The following BRD4 variants were observed in gnomAD, a reference collection of about 807,000 sequenced individuals.
BRD4 encodes bromodomain containing 4, also known as bromodomain-containing protein 4.
In BRD4, 16 loss-of-function variants were observed where a neutral mutation model predicts 142.1. The observed-to-expected ratio is 0.11, with a 90% CI of 0.08 to 0.17. The LOEUF (loss-of-function observed/expected upper bound fraction) is 0.17, where lower values mean the gene tolerates loss of function less well. Among genes scored for constraint, BRD4 ranks in the 10% least tolerant of loss-of-function variants. The probability of loss-of-function intolerance (pLI) is 1.00; values close to 1 mark genes in which losing one functional copy is unlikely to be tolerated. For synonymous variants in BRD4, 833 were observed against 707.5 expected (o/e 1.18, Z -2.82); for missense variants, 1,424 against 1,810.9 (o/e 0.79, Z 3.88).
At chr19:15,306,382 T>C (rs926845048) in intron 1 of BRD4, among the ~76,000 whole-genome samples, 1 of 152,078 alleles carries the variant, frequency 6.6e-6, no homozygotes, top group African/African-American at 2.4e-5. Flanking sequence ...AATCCTCCCA[T>C]CTCAGCCTCC....
rs1263101478 is a variant in BRD4 at position 15,265,321 on chromosome 19, G to A, written c.849+33C>T. Reference sequence around the variant, plus strand: ...AAGGACAGGGCCGCTCTCCTCCCTGGTGAAGCAGCCCTCCAGAGTCCAGGA... The same window carrying A: ...AAGGACAGGGCCGCTCTCCTCCCTGATGAAGCAGCCCTCCAGAGTCCAGGA... On this transcript the variant is annotated intron_variant, in intron 5 of 19. Transcript: ENST00000679869. 1.3e-5 allele frequency: 19 copies of A among 1,468,772 alleles called. No individual in the cohort carries two copies. The South Asian group carries it at 2.5e-4, about 19-fold the overall frequency. 91.0% of individuals were successfully genotyped at this position (1,468,772 alleles called of 1,614,324 possible). A position where few individuals can be genotyped will look rare whatever the true frequency, so the allele number is the denominator to read the frequency against.
chr19:15,274,107 G>A (rs1427061194), intron 1 of BRD4, among the ~76,000 whole-genome samples: 1 of 152,202 alleles, frequency 6.6e-6, no homozygotes, highest in African/African-American at 2.4e-5. Context: ...AGTGAGATAG[G>A]AGAAGACACA....
At position 15,245,187 on chromosome 19, in the gene BRD4, G is replaced by A. The variant is rs75215233; in HGVS notation, c.2159-425C>T. Reference sequence around the variant, plus strand: ...CATTCATCTTACAGCTGAGAAAAGTGGGGCTTCAGAAGGGAGGGGACTTGT... The same window carrying A: ...CATTCATCTTACAGCTGAGAAAAGTAGGGCTTCAGAAGGGAGGGGACTTGT... On this transcript the variant is annotated intron_variant, in intron 11 of 19. Transcript: ENST00000679869. Among the ~76,000 whole-genome samples, 712 of 152,126 alleles carry A rather than the reference G, an allele frequency of 4.7e-3. 6 individuals carry two copies. Among genetic ancestry groups the A allele is most frequent in the African/African-American group, 0.017 (687 of 41,500 alleles).
Position 15,267,533 on chromosome 19 carries a change from A to G in BRD4, c.442T>C (p.Leu148=), listed in dbSNP as rs768544124. The change falls in exon 4 of 20, where the codon TTA becomes CTA. Residue 148 remains leucine (L), a synonymous_variant. Transcript: ENST00000679869. ...AGCTTTTCCAGAGCTTCTGCCATTA[A>G]GACTATGTCATCTCCAGGCTGGATA... ...IYNKPGDDIV[L]MAEALEKLFL... is the part of the protein sequence containing the mutation. 3 of 1,613,694 alleles carry G rather than the reference A, an allele frequency of 1.9e-6. No individual in the cohort carries two copies. In the South Asian group the frequency reaches 3.3e-5, roughly 18 times the overall value.
chr19:15,264,274 G>T, intron 6 of BRD4, 130 bp downstream of exon 6: 4 of 1,292,144 alleles, frequency 3.1e-6, no homozygotes, highest in East Asian at 2.4e-5. Context: ...TCTTCGAGTT[G>T]GCGGGAAAAA....
chr19:15,281,152 C>T (rs1163587701), intron 1 of BRD4, among the ~76,000 whole-genome samples: 4 of 152,240 alleles, frequency 2.6e-5, no homozygotes, highest in Non-Finnish European at 2.9e-5. Flanking sequence ...TGGAGCCGGG[C>T]CAGTGGCCGT....
intron 2 of BRD4, among the ~76,000 whole-genome samples, chr19:15,270,210 ACT>A (rs769322277): frequency 4.6e-5 from 7 of 152,256 alleles, no homozygotes; most frequent in Non-Finnish European, 7.3e-5. Flanking sequence ...AACAGCAAGC[ACT>A]GAGGCCCTGC....
chr19:15,245,700 T>C (rs1269650801), intron 11 of BRD4, among the ~76,000 whole-genome samples: 2 of 152,190 alleles, frequency 1.3e-5, no homozygotes, highest in Admixed American at 1.3e-4. Flanking sequence ...CAGGGGGACA[T>C]GAGCCCTGGC....
chr19:15,257,089 G>C lies in BRD4; in HGVS notation c.1426C>G (p.Pro476Ala). Residue 476 changes from proline to alanine, a missense_variant, in exon 8 of 20, where the codon CCC becomes GCC. Coordinates refer to ENST00000679869, the MANE Select transcript of BRD4 (RefSeq NM_001379291.1). ...VAVSSPAVPP[P>A]TKVVAPPSSS... ...GAGGGCGGGGCCACAACCTTGGTGGGAGGGGGCACTGCCGGGGAGGACACG... is the reference window on the plus strand; with the variant it reads ...GAGGGCGGGGCCACAACCTTGGTGGCAGGGGGCACTGCCGGGGAGGACACG... The C allele has an allele frequency of 6.2e-7, 1 of 1,608,176 alleles. No homozygotes were observed. Among genetic ancestry groups the C allele is most frequent in the Non-Finnish European group, 8.5e-7 (1 of 1,179,120 alleles).
intron 2 of BRD4, among the ~76,000 whole-genome samples, chr19:15,270,501 C>T (rs73926733): frequency 2.0e-4 from 31 of 152,262 alleles, no homozygotes; most frequent in African/African-American, 7.2e-4. Flanking sequence ...AGATCTATCC[C>T]AGTGGAAATT....
At chr19:15,311,905 C>G (rs950322364) in intron 1 of BRD4, among the ~76,000 whole-genome samples, 1 of 152,178 alleles carries the variant, frequency 6.6e-6, no homozygotes, top group Non-Finnish European at 1.5e-5. Context: ...AAGTAGAAGA[C>G]TGGCTGCCAC....
chr19:15,288,858 G>A (rs1028254584), intron 1 of BRD4, among the ~76,000 whole-genome samples: 10 of 152,192 alleles, frequency 6.6e-5, no homozygotes, highest in African/African-American at 9.7e-5. Context: ...CATCTGCTGA[G>A]GGGAGGGAAA....
intron 11 of BRD4, chr19:15,246,469 A>T (rs1448595503): frequency 6.5e-6 from 1 of 152,746 alleles, no homozygotes; most frequent in Non-Finnish European, 1.5e-5. Flanking sequence ...GGTAGGGGGA[A>T]GCAGCAGGGC....
rs202093296 is a variant in BRD4 at position 15,265,626 on chromosome 19, C to T, written c.577G>A (p.Val193Ile). 167 of 1,614,058 alleles carry T rather than the reference C, an allele frequency of 1.0e-4. 1 individual carries two copies. In the South Asian group the frequency reaches 1.1e-3, roughly 10 times the overall value. Reference protein sequence around the residue: ...RKETGTAKPGVSTVPNTTQAS... With the variant: ...RKETGTAKPGISTVPNTTQAS... ...TGAGTTGTGTTTGGTACCGTGGAAACGCCAGGTTTTGCTGTCCCTACAAAT... is the reference window on the plus strand; with the variant it reads ...TGAGTTGTGTTTGGTACCGTGGAAATGCCAGGTTTTGCTGTCCCTACAAAT... The change falls in exon 5 of 20, where the codon GTT becomes ATT. Residue 193 changes from valine (V) to isoleucine (I), a missense_variant. Val to Ile is a conservative substitution (Grantham distance 29). This residue lies in a region of BRD4 where 140 missense variants were observed against 131.7 expected (regional missense o/e 1.06). Coordinates refer to ENST00000679869, the MANE Select transcript of BRD4 (RefSeq NM_001379291.1).
chr19:15,296,407 C>T (rs2047823245), intron 1 of BRD4, among the ~76,000 whole-genome samples: 1 of 152,208 alleles, frequency 6.6e-6, no homozygotes, highest in South Asian at 2.1e-4. Context: ...ATTTGTTCCC[C>T]TTCTTCCAAG....
chr19:15,249,195 A>T, intron 11 of BRD4: 1 of 1,609,014 alleles, frequency 6.2e-7, no homozygotes, highest in Middle Eastern at 1.7e-4. Context: ...TGTCCCTTTC[A>T]CGGAAGAAAA....
At chr19:15,265,311 C>T in intron 5 of BRD4, 43 bp downstream of exon 5, 3 of 1,456,772 alleles carry the variant, frequency 2.1e-6, no homozygotes, top group Non-Finnish European at 2.7e-6. Context: ...CAGGGCCGCT[C>T]TCCTCCCTGG....
intron 1 of BRD4, among the ~76,000 whole-genome samples, chr19:15,315,258 G>A (rs552270979): frequency 1.3e-5 from 2 of 152,062 alleles, no homozygotes; most frequent in African/African-American, 4.8e-5. Flanking sequence ...ATCCTTCAGG[G>A]CACACCTGTT....
Position 15,244,716 on chromosome 19 carries a change from C to G in BRD4, c.2205G>C (p.Gln735His), listed in dbSNP as rs766956392. ...TGCCCCTGAGCCCATGTACCTTCTT[C>G]TGCTCCCTCCCGGGGTGCCCCTTCT... Reference protein sequence around the residue: ...SKKKGHPGREQKKHHHHHHQQ... With the variant: ...SKKKGHPGREHKKHHHHHHQQ... Residue 735 changes from glutamine (Q) to histidine (H), a missense_variant, in exon 12 of 20, where the codon CAG (glutamine) becomes CAC (histidine). Around this residue, in one of 16 missense-constraint regions of BRD4, gnomAD observed 598 missense variants for 647.8 expected, o/e 0.92. Transcript: ENST00000679869. The G allele has an allele frequency of 8.1e-6, 13 of 1,614,086 alleles. No individual in the cohort carries two copies. The highest frequency in any genetic ancestry group is 1.1e-5 in the Non-Finnish European group (13 of 1,180,042).
Sources: allele counts gnomAD v4.1 joint callset (sites outside exome capture counted in the v4.1 genomes callset), GRCh38; gene constraint gnomAD v4.1.1; regional missense constraint gnomAD v4.1.1; transcripts MANE v1.5; gene names NCBI Gene and HGNC (gene_info 2026-07-23, HGNC 2026-07-21).